Variants in ZSWIM4 observed in about 807,000 individuals in gnomAD.
ZSWIM4 encodes the protein zinc finger SWIM domain-containing protein 4.
ZSWIM4 carries 62 observed loss-of-function variants against 102.5 expected under a neutral mutation model. That is an observed-to-expected ratio of 0.60 (90% CI 0.49 to 0.75). The LOEUF (loss-of-function observed/expected upper bound fraction) is 0.75. ZSWIM4 is among the 30% of genes least tolerant of loss of function. The probability of loss-of-function intolerance (pLI) is 0.00; values close to 1 mark genes in which losing one functional copy is unlikely to be tolerated. For missense variants in ZSWIM4, 1,280 were observed against 1,529.6 expected, an observed-to-expected ratio of 0.84 and a Z score of 2.72; for synonymous variants, 652 against 674.5, an observed-to-expected ratio of 0.97 and a Z score of 0.52.
At chr19:13,823,281 T>C in intron 10 of ZSWIM4, 65 bp from the exon 11 acceptor site, 1 of 1,519,100 alleles carries the variant, frequency 6.6e-7, no homozygotes, top group South Asian at 1.3e-5. Flanking sequence ...GAGGCTTCTC[T>C]GTCTCCTAGA....
intron 12 of ZSWIM4, among the ~76,000 whole-genome samples, chr19:13,827,619 A>C (rs370348969): frequency 5.2e-4 from 78 of 151,456 alleles, no homozygotes; most frequent in East Asian, 7.7e-4. Context: ...AAAAGAAAAA[A>C]AAAGAAACTG....
chr19:13,826,793 A>G (rs940832238), intron 12 of ZSWIM4, among the ~76,000 whole-genome samples: 12 of 151,986 alleles, frequency 7.9e-5, no homozygotes, highest in African/African-American at 2.9e-4. Context: ...TCCTGTATGC[A>G]GGGCCTGCAA....
intron 10 of ZSWIM4, among the ~76,000 whole-genome samples, chr19:13,820,909 C>CAAA (rs34029534): frequency 9.8e-6 from 1 of 102,552 alleles, no homozygotes; most frequent in Non-Finnish European, 2.2e-5. Flanking sequence ...ACGCAATTTC[C>CAAA]AAAAAAAAAA....
rs762987337 is a variant in ZSWIM4, at chr19:13,819,480, T to G, written c.2048T>G (p.Leu683Arg). 9.4e-6 allele frequency: 15 copies of G among 1,598,880 alleles called. No individual in the cohort carries two copies. In the East Asian group the frequency reaches 2.9e-4, roughly 31 times the overall value. ...HDPDLAYRLA[L>R]RAMRLPILET... ...CCGGACCTGGCCTATCGCCTCGCGCTGCGAGCTATGAGGTGAGGATAGGTG... is the reference window on the plus strand; with the variant it reads ...CCGGACCTGGCCTATCGCCTCGCGCGGCGAGCTATGAGGTGAGGATAGGTG... The change falls in exon 10 of 14, where the codon CTG becomes CGG. Residue 683 changes from leucine to arginine, a missense_variant. Coordinates refer to ENST00000590508, the MANE Select transcript of ZSWIM4 (RefSeq NM_001367834.3).
chr19:13,824,896 C>T (rs1343715283), intron 11 of ZSWIM4, among the ~76,000 whole-genome samples: 1 of 151,998 alleles, frequency 6.6e-6, no homozygotes, highest in Non-Finnish European at 1.5e-5. Flanking sequence ...ATGGGGCAGC[C>T]AGGGCACAGA....
At chr19:13,822,811 C>G (rs1425991283) in intron 10 of ZSWIM4, among the ~76,000 whole-genome samples, 1 of 152,090 alleles carries the variant, frequency 6.6e-6, no homozygotes, top group Non-Finnish European at 1.5e-5. Context: ...GAAAACCCGT[C>G]TCTACTAAAA....
chr19:13,820,775 C>A (rs1409232662), intron 10 of ZSWIM4, among the ~76,000 whole-genome samples: 1 of 152,140 alleles, frequency 6.6e-6, no homozygotes, highest in East Asian at 1.9e-4. Flanking sequence ...ATTCTTTGCA[C>A]CTTTTTCTCA....
chr19:13,801,852 G>A (rs954399752), intron 2 of ZSWIM4, among the ~76,000 whole-genome samples: 1 of 148,462 alleles, frequency 6.7e-6, no homozygotes. Flanking sequence ...TTGTATTTTT[G>A]TAGAGACAGG....
Position 13,817,959 on chromosome 19 carries a change from C to A in ZSWIM4, c.1907C>A (p.Ala636Glu), listed in dbSNP as rs1975344827. 1 of 1,515,834 alleles carries A rather than the reference C, an allele frequency of 6.6e-7. No individual in the cohort carries two copies. The allele number at this position is 1,515,834 out of a possible 1,614,324, so 93.9% of individuals were successfully genotyped here. A position where few individuals can be genotyped will look rare whatever the true frequency, so the allele number is the denominator to read the frequency against. The change falls in exon 9 of 14, where the codon GCG becomes GAG. Residue 636 changes from alanine to glutamate, a missense_variant. Coordinates refer to ENST00000590508, the MANE Select transcript of ZSWIM4 (RefSeq NM_001367834.3). ...ERLVQVLRKQ[A>E]GLLLEGGPFS... is the part of the protein sequence containing the mutation. ...TTGGTGCAGGTGCTGCGCAAGCAGG[C>A]GGGGCTGCTGCTGGAAGGTGAGGCC...
At chr19:13,816,193 T>C (rs1975284078) in intron 7 of ZSWIM4, among the ~76,000 whole-genome samples, 1 of 151,624 alleles carries the variant, frequency 6.6e-6, no homozygotes, top group African/African-American at 2.4e-5. Context: ...TATCAGGAAA[T>C]TGAACGAAGA....
At position 13,809,110 on chromosome 19, in the gene ZSWIM4, G is replaced by C; in HGVS notation, c.902G>C (p.Arg301Pro). The C allele has an allele frequency of 1.2e-6, 2 of 1,613,768 alleles. No homozygotes were observed. The highest frequency in any genetic ancestry group is 1.7e-6 in the Non-Finnish European group (2 of 1,179,770). The stretch of plus-strand genomic sequence containing the variant: ...CGAATGCGGGACTCCAACGGGGCGC[G>C]CATGCTGATTCTCATGACCGAGCAG... ...MLRMRDSNGARMLILMTEQFL... is the reference protein window; with the variant it reads ...MLRMRDSNGAPMLILMTEQFL... The change falls in exon 5 of 14, where the codon CGC (arginine) becomes CCC (proline). Residue 301 changes from arginine to proline, a missense_variant. By Grantham distance (103) the Arg-to-Pro change is moderately radical. Coordinates refer to ENST00000590508, the MANE Select transcript of ZSWIM4 (RefSeq NM_001367834.3). The surrounding 1 kb of genome is among the most constrained non-coding windows in gnomAD (Gnocchi z 4.2).
rs1975004894 is a variant in ZSWIM4, at chr19:13,809,161, T to C, written c.953T>C (p.Leu318Pro). The change falls in exon 5 of 14, where the codon CTG (leucine) becomes CCG (proline). Residue 318 changes from leucine to proline, a missense_variant. Leu to Pro is a moderately conservative substitution (Grantham distance 98). Coordinates refer to ENST00000590508, the MANE Select transcript of ZSWIM4 (RefSeq NM_001367834.3). The surrounding 1 kb of genome is among the most constrained non-coding windows in gnomAD (Gnocchi z 4.2). ...EQFLQDTRLA[L>P]WRQQGAGMTD... is the part of the protein sequence containing the mutation. ...TTCCTGCAGGACACGCGCCTGGCCCTGTGGCGGCAGCAGGGCGCGGGCATG... is the reference window on the plus strand; with the variant it reads ...TTCCTGCAGGACACGCGCCTGGCCCCGTGGCGGCAGCAGGGCGCGGGCATG... 4.3e-6 allele frequency: 7 copies of C among 1,613,338 alleles called. No homozygotes were observed. The highest frequency in any genetic ancestry group is 1.1e-5 in the South Asian group (1 of 91,042).
chr19:13,802,553 C>T (rs1974802280), intron 2 of ZSWIM4, among the ~76,000 whole-genome samples: 1 of 150,920 alleles, frequency 6.6e-6, no homozygotes, highest in South Asian at 2.1e-4. Flanking sequence ...GCTCTCCAGC[C>T]TGGGCAAGAG....
chr19:13,828,753 C>A, intron 13 of ZSWIM4, 27 bp downstream of exon 13: 1 of 1,606,930 alleles, frequency 6.2e-7, no homozygotes, highest in Non-Finnish European at 8.5e-7. Flanking sequence ...GGACCTGCCA[C>A]CCACTTCGCT....
intron 9 of ZSWIM4, among the ~76,000 whole-genome samples, chr19:13,819,013 C>G (rs929848616): frequency 4.6e-5 from 7 of 151,980 alleles, no homozygotes; most frequent in African/African-American, 1.7e-4. Flanking sequence ...CTTGCGCCTG[C>G]CACCACACCT....
rs1381290830 is a variant in ZSWIM4, at chr19:13,825,229, A to G, written c.2216-321A>G. Among the ~76,000 whole-genome samples, 1 of 151,954 alleles carries G rather than the reference A, an allele frequency of 6.6e-6. No individual in the cohort carries two copies. Among genetic ancestry groups the G allele is most frequent in the African/African-American group, 2.4e-5 (1 of 41,368 alleles). ...TAATTTTTGTAGATGGGGTTTCGCCATGTTGGCCAGGCTGGTCTCAAACTC... is the reference window on the plus strand; with the variant it reads ...TAATTTTTGTAGATGGGGTTTCGCCGTGTTGGCCAGGCTGGTCTCAAACTC... On this transcript the variant is annotated intron_variant, in intron 11 of 13. Coordinates refer to ENST00000590508, the MANE Select transcript of ZSWIM4 (RefSeq NM_001367834.3). The surrounding 1 kb of genome is among the most constrained non-coding windows in gnomAD (Gnocchi z 4.6).
At position 13,825,766 on chromosome 19, in the gene ZSWIM4, T is replaced by A. The variant is rs1975592598; in HGVS notation, c.2379+53T>A. On this transcript the variant is annotated intron_variant, in intron 12 of 13. Transcript: ENST00000590508. This position sits in a 1 kb window ranked among gnomAD's most constrained non-coding sequence, Gnocchi z 4.6. ...GGCGATGGTGGCTCGGGGCCAGGAC[T>A]GACTGTGAGCTGCGCCTCCCGGGGC... 1 of 1,561,636 alleles carries A rather than the reference T, an allele frequency of 6.4e-7. No individual in the cohort carries two copies. Among genetic ancestry groups the A allele is most frequent in the African/African-American group, 1.3e-5 (1 of 74,208 alleles).
At chr19:13,829,126 G>A (rs1016042547) in intron 13 of ZSWIM4, among the ~76,000 whole-genome samples, 2 of 150,184 alleles carry the variant, frequency 1.3e-5, no homozygotes, top group African/African-American at 4.9e-5. Context: ...GAGAGAGAGA[G>A]AGAGAGAAGC....
At chr19:13,804,044 A>G (rs1028692202) in intron 2 of ZSWIM4, among the ~76,000 whole-genome samples, 1 of 150,514 alleles carries the variant, frequency 6.6e-6, no homozygotes, top group Non-Finnish European at 1.5e-5. Flanking sequence ...TTATATTTTT[A>G]GTAGAGACAG....
Sources: gnomAD v4.1 joint callset for allele counts (sites outside exome capture counted in the v4.1 genomes callset) on GRCh38, gnomAD v4.1.1 for gene constraint, Gnocchi (gnomAD v3.1) non-coding constraint, MANE v1.5 for transcripts, NCBI Gene and HGNC (gene_info 2026-07-23, HGNC 2026-07-21) for gene names.